CDH12: variants seen among roughly 807,000 people sequenced by gnomAD.
The protein encoded by CDH12 is cadherin 12.
A neutral mutation model predicts 74.1 loss-of-function variants in CDH12; 41 were observed. The observed-to-expected ratio is 0.55, with a 90% CI of 0.43 to 0.72. CDH12 has a LOEUF of 0.72. CDH12 is among the 30% of genes least tolerant of loss of function. The pLI is 0.00. For missense variants in CDH12, 945 were observed against 977.2 expected, an observed-to-expected ratio of 0.97 and a Z score of 0.44; for synonymous variants, 399 against 355.0, an observed-to-expected ratio of 1.12 and a Z score of -1.39.
intron 1 of CDH12, among the ~76,000 whole-genome samples, chr5:22,599,578 T>TA (rs879756837): frequency 2.7e-3 from 387 of 143,840 alleles, no homozygotes; most frequent in Middle Eastern, 3.6e-3. Flanking sequence ...ACCAACTCTG[T>TA]AAAAAAAAAA....
At chr5:22,159,919 G>A (rs1286749333) in intron 4 of CDH12, among the ~76,000 whole-genome samples, 1 of 152,140 alleles carries the variant, frequency 6.6e-6, no homozygotes, top group African/African-American at 2.4e-5. Flanking sequence ...CTGTGTGCGT[G>A]TGTGCGTGCA....
At chr5:22,648,297 G>A (rs1045212035) in intron 1 of CDH12, among the ~76,000 whole-genome samples, 1 of 151,826 alleles carries the variant, frequency 6.6e-6, no homozygotes, top group Non-Finnish European at 1.5e-5. Flanking sequence ...ATTTCATAGA[G>A]TACAGCCTTG....
intron 6 of CDH12, among the ~76,000 whole-genome samples, chr5:21,907,393 G>A (rs192807437): frequency 6.4e-4 from 97 of 152,180 alleles, no homozygotes; most frequent in African/African-American, 1.7e-3. Context: ...ATTTAAGTGG[G>A]GACTATCTGT....
At chr5:21,818,188 T>C (rs1748167326) in intron 8 of CDH12, among the ~76,000 whole-genome samples, 1 of 152,022 alleles carries the variant, frequency 6.6e-6, no homozygotes, top group African/African-American at 2.4e-5. Context: ...CCACTTTCAG[T>C]TTCTCTTACC....
At chr5:22,553,259 T>G (rs1347870149) in intron 1 of CDH12, among the ~76,000 whole-genome samples, 1 of 152,178 alleles carries the variant, frequency 6.6e-6, no homozygotes, top group Non-Finnish European at 1.5e-5. Context: ...AATACAAAAA[T>G]TGTTGAAATC....
At chr5:22,216,304 A>C (rs1442665083) in intron 3 of CDH12, among the ~76,000 whole-genome samples, 1 of 151,992 alleles carries the variant, frequency 6.6e-6, no homozygotes. Flanking sequence ...CTGGAATAGC[A>C]ACCCTTAGAT....
Position 21,764,651 on chromosome 5 carries a change from GA to G in CDH12, c.1515+326del, listed in dbSNP as rs369895363. ...GTGACAGAGCAAGACTTCATATCAA[GA>G]AAAAAAAAAAAAAAAAGAAAAGAAA... is the stretch of plus-strand genomic sequence containing the variant. On this transcript the variant is annotated intron_variant, in intron 12 of 14. Coordinates refer to ENST00000382254, the MANE Select transcript of CDH12 (RefSeq NM_004061.5). 1.6e-3 allele frequency among the ~76,000 whole-genome samples: 179 copies of G among 110,060 alleles called. 1 individual carries two copies. The highest frequency in any genetic ancestry group is 5.2e-3 in the Middle Eastern group (1 of 194). The allele number at this position is 110,060 out of a possible 152,430, so 72.2% of individuals were successfully genotyped here.
intron 1 of CDH12, among the ~76,000 whole-genome samples, chr5:22,582,851 A>G (rs1488932496): frequency 6.6e-6 from 1 of 152,122 alleles, no homozygotes; most frequent in Non-Finnish European, 1.5e-5. Flanking sequence ...GAGGCAAAGG[A>G]GCTGGGGGTT....
intron 1 of CDH12, among the ~76,000 whole-genome samples, chr5:22,783,366 T>C (rs1747474924): frequency 6.6e-6 from 1 of 152,116 alleles, no homozygotes; most frequent in Non-Finnish European, 1.5e-5. Flanking sequence ...TTCAGCTCAG[T>C]TCCCTCGACC....
chr5:22,514,010 G>C (rs1736712856), intron 1 of CDH12, among the ~76,000 whole-genome samples: 1 of 147,478 alleles, frequency 6.8e-6, no homozygotes, highest in African/African-American at 2.5e-5. Context: ...AAAGAAAGTA[G>C]ATACATTTTT....
At chr5:22,698,137 T>TTTTTC (rs1273357040) in intron 1 of CDH12, among the ~76,000 whole-genome samples, 2 of 144,386 alleles carry the variant, frequency 1.4e-5, no homozygotes. Context: ...TTTTTTTTTT[T>TTTTTC]TGAGATGGAG....
intron 4 of CDH12, among the ~76,000 whole-genome samples, chr5:22,092,738 ACT>A (rs756739522): frequency 6.6e-6 from 1 of 151,946 alleles, no homozygotes; most frequent in Non-Finnish European, 1.5e-5. Flanking sequence ...CAGAAATTTC[ACT>A]CTTAGGTATC....
chr5:22,062,195 A>T (rs1741236697), intron 5 of CDH12, among the ~76,000 whole-genome samples: 1 of 152,198 alleles, frequency 6.6e-6, no homozygotes, highest in South Asian at 2.1e-4. Context: ...TAAAGTAAAC[A>T]CATTGAACCT....
chr5:22,669,813 C>G (rs1307881540), intron 1 of CDH12, among the ~76,000 whole-genome samples: 1 of 152,182 alleles, frequency 6.6e-6, no homozygotes, highest in Non-Finnish European at 1.5e-5. Flanking sequence ...GTTTCAGCAA[C>G]TGTGATTTCT....
chr5:22,023,118 T>C (rs1318447711), intron 5 of CDH12, among the ~76,000 whole-genome samples: 1 of 152,170 alleles, frequency 6.6e-6, no homozygotes, highest in Non-Finnish European at 1.5e-5. Context: ...TTATCCACTC[T>C]TGACTTCTGT....
At chr5:22,087,026 G>A (rs1415237657) in intron 4 of CDH12, among the ~76,000 whole-genome samples, 1 of 152,092 alleles carries the variant, frequency 6.6e-6, no homozygotes, top group African/African-American at 2.4e-5. Context: ...TTCTTAAAAT[G>A]GTGAAAGTTG....
At chr5:22,850,730 G>A (rs2126541310) in intron 1 of CDH12, among the ~76,000 whole-genome samples, 1 of 152,130 alleles carries the variant, frequency 6.6e-6, no homozygotes, top group Non-Finnish European at 1.5e-5. Flanking sequence ...CTTTCCCTTT[G>A]GAAGTAGGAA....
chr5:21,944,244 G>A (rs1408774055), intron 6 of CDH12, among the ~76,000 whole-genome samples: 2 of 152,112 alleles, frequency 1.3e-5, no homozygotes, highest in East Asian at 1.9e-4. Context: ...TATGTATTTT[G>A]TAGTACTTCT....
chr5:22,048,729 GA>G (rs1001173292), intron 5 of CDH12, among the ~76,000 whole-genome samples: 4 of 152,062 alleles, frequency 2.6e-5, no homozygotes, highest in Admixed American at 6.6e-5. Context: ...CATATGCAAA[GA>G]ACATGGCAAA....
Sources: allele counts gnomAD v4.1 joint callset (sites outside exome capture counted in the v4.1 genomes callset), GRCh38; gene constraint gnomAD v4.1.1; transcripts MANE v1.5; gene names NCBI Gene and HGNC (gene_info 2026-07-23, HGNC 2026-07-21).